MOB3B: variants seen among roughly 807,000 people sequenced by gnomAD.
MOB3B encodes the protein MOB kinase activator-like 2B.
MOB3B carries 7 observed loss-of-function variants against 18.7 expected under a neutral mutation model. The observed-to-expected ratio is 0.37, with a 90% CI of 0.21 to 0.70. The LOEUF (loss-of-function observed/expected upper bound fraction) is 0.70, where lower values mean the gene tolerates loss of function less well. Ranked by LOEUF, MOB3B falls within the 30% of genes least tolerant of loss-of-function variation. The pLI is 0.52. For synonymous variants in MOB3B, 111 were observed against 99.9 expected (o/e 1.11, Z -0.66); for missense variants, 253 against 281.3 (o/e 0.90, Z 0.72).
intron 2 of MOB3B, among the ~76,000 whole-genome samples, chr9:27,409,987 A>T (rs955942395): frequency 6.6e-6 from 1 of 152,212 alleles, no homozygotes; most frequent in Non-Finnish European, 1.5e-5. Context: ...GTGATGAAAA[A>T]GTTCTGGAAA....
At chr9:27,461,231 G>C (rs945306771) in intron 1 of MOB3B, among the ~76,000 whole-genome samples, 1 of 152,096 alleles carries the variant, frequency 6.6e-6, no homozygotes, top group East Asian at 1.9e-4. Context: ...TATTTTAGAG[G>C]GGTGTATGTA....
At chr9:27,422,585 TTA>T (rs1378234006) in intron 2 of MOB3B, among the ~76,000 whole-genome samples, 1 of 152,256 alleles carries the variant, frequency 6.6e-6, no homozygotes, top group Non-Finnish European at 1.5e-5. Flanking sequence ...ATATGTAGTT[TTA>T]TGTGTTGCCA....
At chr9:27,469,653 A>C (rs1819440789) in intron 1 of MOB3B, among the ~76,000 whole-genome samples, 1 of 152,214 alleles carries the variant, frequency 6.6e-6, no homozygotes, top group Non-Finnish European at 1.5e-5. Context: ...TGAAGTGAAT[A>C]TTTAAAGGTT....
intron 2 of MOB3B, among the ~76,000 whole-genome samples, chr9:27,409,932 G>A (rs1171044511): frequency 6.6e-6 from 1 of 151,972 alleles, no homozygotes; most frequent in Admixed American, 6.6e-5. Flanking sequence ...GGGAGGGGTG[G>A]GGATGAAGAG....
At position 27,446,886 on chromosome 9, in the gene MOB3B, C is replaced by G. The variant is rs147929800; in HGVS notation, c.418+8247G>C. Among the ~76,000 whole-genome samples the G allele has an allele frequency of 6.0e-3, 914 of 152,320 alleles. 7 individuals carry two copies. Among genetic ancestry groups the G allele is most frequent in the African/African-American group, 0.021 (890 of 41,550 alleles). The stretch of plus-strand genomic sequence containing the variant: ...CTAACACTTCTGTTCCTTTTAACTA[C>G]TCCATCCCCTTCCCAAACTAGCTAG... On this transcript the variant is annotated intron_variant, in intron 2 of 3. Coordinates refer to ENST00000262244, the MANE Select transcript of MOB3B (RefSeq NM_024761.5).
intron 1 of MOB3B, among the ~76,000 whole-genome samples, chr9:27,481,497 G>GTTTTTTT (rs749380961): frequency 1.1e-5 from 1 of 89,008 alleles, no homozygotes; most frequent in African/African-American, 4.2e-5. Context: ...AAGGAAGGTA[G>GTTTTTTT]TTTTTTTTTT....
At chr9:27,489,263 A>T (rs1470259883) in intron 1 of MOB3B, among the ~76,000 whole-genome samples, 1 of 152,196 alleles carries the variant, frequency 6.6e-6, no homozygotes, top group African/African-American at 2.4e-5. Flanking sequence ...ACACATAGAA[A>T]TCCAACAGAA....
intron 2 of MOB3B, among the ~76,000 whole-genome samples, chr9:27,441,638 G>A (rs1822596264): frequency 6.6e-6 from 1 of 152,136 alleles, no homozygotes; most frequent in Admixed American, 6.5e-5. Flanking sequence ...TAAAACTTAT[G>A]AATCATTTAT....
At chr9:27,341,710 C>T (rs978881560) in intron 3 of MOB3B, among the ~76,000 whole-genome samples, 2 of 152,278 alleles carry the variant, frequency 1.3e-5, no homozygotes, top group Middle Eastern at 3.4e-3. Context: ...GTCACTGACT[C>T]TCAGGTCTAT....
chr9:27,379,520 C>A (rs568465942), intron 2 of MOB3B, among the ~76,000 whole-genome samples: 3 of 152,114 alleles, frequency 2.0e-5, no homozygotes, highest in African/African-American at 7.2e-5. Context: ...GATGAGGAAA[C>A]GACAGAGGAA....
chr9:27,422,664 G>C (rs1822272135), intron 2 of MOB3B, among the ~76,000 whole-genome samples: 1 of 152,188 alleles, frequency 6.6e-6, no homozygotes, highest in South Asian at 2.1e-4. Context: ...ATCAGTCTCT[G>C]ATGAATATTA....
chr9:27,385,616 A>G (rs1431475833), intron 2 of MOB3B, among the ~76,000 whole-genome samples: 2 of 152,212 alleles, frequency 1.3e-5, no homozygotes. Context: ...ATTAATGTCT[A>G]TAAAGCCTTC....
intron 1 of MOB3B, among the ~76,000 whole-genome samples, chr9:27,511,484 G>A (rs191360486): frequency 1.2e-4 from 18 of 152,210 alleles, no homozygotes; most frequent in Non-Finnish European, 2.1e-4. Flanking sequence ...CATCAGCTGC[G>A]GATGTTGGCT....
At chr9:27,385,669 G>A (rs964433628) in intron 2 of MOB3B, among the ~76,000 whole-genome samples, 4 of 152,334 alleles carry the variant, frequency 2.6e-5, no homozygotes, top group African/African-American at 7.2e-5. Context: ...GTCCAGGAAC[G>A]GGACTCTTAT....
intron 2 of MOB3B, among the ~76,000 whole-genome samples, chr9:27,440,059 A>G (rs1385542957): frequency 6.6e-6 from 1 of 152,216 alleles, no homozygotes; most frequent in Non-Finnish European, 1.5e-5. Flanking sequence ...CTAAAACAAA[A>G]TCTAGATATG....
At chr9:27,349,526 A>T (rs546570986) in intron 3 of MOB3B, among the ~76,000 whole-genome samples, 4 of 152,246 alleles carry the variant, frequency 2.6e-5, no homozygotes, top group Non-Finnish European at 5.9e-5. Flanking sequence ...GCAGGCTTAT[A>T]TATGGGCATC....
At chr9:27,519,203 G>A (rs1284065009) in intron 1 of MOB3B, among the ~76,000 whole-genome samples, 1 of 152,130 alleles carries the variant, frequency 6.6e-6, no homozygotes, top group East Asian at 1.9e-4. Flanking sequence ...TTAAGACATG[G>A]CTTCATTATC....
chr9:27,494,588 C>T (rs1819869986), intron 1 of MOB3B, among the ~76,000 whole-genome samples: 7 of 152,202 alleles, frequency 4.6e-5, no homozygotes, highest in Admixed American at 4.6e-4. Flanking sequence ...GATCTTGGCT[C>T]ACTGCAACCT....
rs764953693 is a variant in MOB3B, at chr9:27,359,082, G to A, written c.573C>T (p.Tyr191=). The A allele has an allele frequency of 1.2e-6, 2 of 1,614,156 alleles. No homozygotes were observed. Among genetic ancestry groups the A allele is most frequent in the South Asian group, 1.1e-5 (1 of 91,082 alleles). ...HVNTCYKHFY[Y]FVTEMNLIDR... is the part of the protein sequence containing the mutation. Reference sequence around the variant, plus strand: ...CTATGAGGTTCATCTCTGTGACAAAGTAATAGAAGTGTTTGTAGCAGGTGT... The same window carrying A: ...CTATGAGGTTCATCTCTGTGACAAAATAATAGAAGTGTTTGTAGCAGGTGT... Residue 191 remains tyrosine (Y), a synonymous_variant, in exon 3 of 4, where the codon TAC becomes TAT. Transcript: ENST00000262244.
Sources: gnomAD v4.1 joint callset for allele counts (sites outside exome capture counted in the v4.1 genomes callset) on GRCh38, gnomAD v4.1.1 for gene constraint, MANE v1.5 for transcripts, NCBI Gene and HGNC (gene_info 2026-07-23, HGNC 2026-07-21) for gene names.